Variants in ZNF430 observed in about 807,000 individuals in gnomAD.
ZNF430 encodes zinc finger protein 430.
ZNF430 carries 35 observed loss-of-function variants against 56.7 expected under a neutral mutation model. The observed-to-expected ratio is 0.62, with a 90% CI of 0.47 to 0.82. ZNF430 has a LOEUF of 0.82. ZNF430 is among the 40% of genes least tolerant of loss of function. The pLI is 0.00. For synonymous variants in ZNF430, 212 were observed against 224.3 expected (o/e 0.94, Z 0.49); for missense variants, 574 against 661.0 (o/e 0.87, Z 1.44).
At chr19:21,030,664 T>C (rs1967885199) in intron 2 of ZNF430, among the ~76,000 whole-genome samples, 2 of 152,146 alleles carry the variant, frequency 1.3e-5, no homozygotes. Flanking sequence ...CTCTGTGCTG[T>C]ACCTGCTTCT....
chr19:21,022,796 T>G lies in ZNF430; in HGVS notation c.11T>G (p.Leu4Arg), dbSNP rs1178912621. 6.2e-7 allele frequency: 1 copy of G among 1,611,542 alleles called. No homozygotes were observed. Among genetic ancestry groups the G allele is most frequent in the East Asian group, 2.2e-5 (1 of 44,864 alleles). MEN[L>R]KSGVYPLKEA... ...GGTTATTTTCTCCCATAGGAGAACC[T>G]GAAGTCTGGAGTGTATCCTCTCAAG... Residue 4 changes from leucine to arginine, a missense_variant, in exon 2 of 5, where the codon CTG becomes CGG. Leu to Arg is a moderately radical substitution (Grantham distance 102, BLOSUM62 -2). This residue lies in a region of ZNF430 where 346 missense variants were observed against 399.1 expected (regional missense o/e 0.87). Transcript: ENST00000261560.
intron 4 of ZNF430, among the ~76,000 whole-genome samples, chr19:21,045,375 T>G (rs1429858764): frequency 6.6e-6 from 1 of 152,200 alleles, no homozygotes; most frequent in Non-Finnish European, 1.5e-5. Context: ...TCCATGTACT[T>G]GTGTGGTTTT....
Position 21,033,479 on chromosome 19 carries a change from G to A in ZNF430, c.120G>A (p.Val40=), listed in dbSNP as rs908646815. The change falls in exon 3 of 5, where the codon GTG becomes GTA. Residue 40 remains valine, a synonymous_variant. Coordinates refer to ENST00000261560, the MANE Select transcript of ZNF430 (RefSeq NM_025189.4). ...AGGGGCCATTGACATTTAGGGATGT[G>A]GCCATAGAATTTTCTCTGGAGGAGT... is the stretch of plus-strand genomic sequence containing the variant. ...YEKGPLTFRD[V]AIEFSLEEWQ... 2 of 1,611,252 alleles carry A rather than the reference G, an allele frequency of 1.2e-6. No homozygotes were observed. Among genetic ancestry groups the A allele is most frequent in the Non-Finnish European group, 1.7e-6 (2 of 1,178,642 alleles).
intron 1 of ZNF430, among the ~76,000 whole-genome samples, chr19:21,021,605 A>T (rs528759610): frequency 2.6e-5 from 4 of 152,296 alleles, no homozygotes; most frequent in Admixed American, 1.3e-4. Flanking sequence ...TTTGTTGTTC[A>T]TGGCGGGGCT....
chr19:21,049,250 A>G (rs1241701029), intron 4 of ZNF430, among the ~76,000 whole-genome samples: 2 of 151,178 alleles, frequency 1.3e-5, no homozygotes, highest in Non-Finnish European at 2.9e-5. Flanking sequence ...CAAAACCTAT[A>G]CTGCTATGTT....
chr19:21,030,004 CT>C (rs1043970140), intron 2 of ZNF430, among the ~76,000 whole-genome samples: 1 of 151,896 alleles, frequency 6.6e-6, no homozygotes, highest in Non-Finnish European at 1.5e-5. Context: ...AGTCCTGCTG[CT>C]TTTCTAGAGC....
rs1968404242 is a variant in ZNF430 at position 21,057,641 on chromosome 19, A to G, written c.1333A>G (p.Thr445Ala). ...AGCTTTTAATGAGTCCTCAAACCTT[A>G]CTGCACATAAGATAATTCATACTGG... Reference protein sequence around the residue: ...GKAFNESSNLTAHKIIHTGEK... With the variant: ...GKAFNESSNLAAHKIIHTGEK... Residue 445 changes from threonine (T) to alanine (A), a missense_variant, in exon 5 of 5, where the codon ACT (threonine) becomes GCT (alanine). Coordinates refer to ENST00000261560, the MANE Select transcript of ZNF430 (RefSeq NM_025189.4). 4 of 1,612,170 alleles carry G rather than the reference A, an allele frequency of 2.5e-6. No homozygotes were observed. Among genetic ancestry groups the G allele is most frequent in the Admixed American group, 1.7e-5 (1 of 59,718 alleles).
chr19:21,051,514 G>T (rs886922014), intron 4 of ZNF430, among the ~76,000 whole-genome samples: 7 of 151,936 alleles, frequency 4.6e-5, no homozygotes, highest in Admixed American at 2.6e-4. Flanking sequence ...ACTTTGTTTT[G>T]AGACAGTCTC....
At chr19:21,056,577 C>T (rs1599510790) in intron 4 of ZNF430, 54 bp from the exon 5 acceptor site, 1 of 1,275,886 alleles carries the variant, frequency 7.8e-7, no homozygotes, top group South Asian at 1.7e-5. Context: ...ATTTGTAAAG[C>T]ATATTCATCT....
At chr19:21,051,412 G>T (rs1170083040) in intron 4 of ZNF430, among the ~76,000 whole-genome samples, 2 of 145,824 alleles carry the variant, frequency 1.4e-5, no homozygotes, top group Non-Finnish European at 3.0e-5. Flanking sequence ...GCTTTCAGTA[G>T]CAATGCTGCA....
At position 21,059,543 on chromosome 19, in the gene ZNF430, CAAAAAAAAAA is replaced by C. The variant is rs71174793; in HGVS notation, c.*1532_*1541del. The stretch of plus-strand genomic sequence containing the variant: ...GGGCAACAAGAGTGAAACTCCATTT[CAAAAAAAAAA>C]AAAAAAAAACAACTAAAGTTGGTAG... On this transcript the variant is annotated 3_prime_UTR_variant, in exon 5 of 5. Transcript: ENST00000261560. 9.8e-6 allele frequency: 1 copy of C among 102,284 alleles called. No individual in the cohort carries two copies. Among genetic ancestry groups the C allele is most frequent in the African/African-American group, 3.6e-5 (1 of 27,726 alleles). The allele number at this position is 102,284 out of a possible 1,614,324, so 6.3% of individuals were successfully genotyped here. A position where few individuals can be genotyped will look rare whatever the true frequency, so the allele number is the denominator to read the frequency against.
chr19:21,022,667 C>G, intron 1 of ZNF430, 122 bp from the exon 2 acceptor site: 1 of 756,748 alleles, frequency 1.3e-6, no homozygotes, highest in Non-Finnish European at 2.3e-6. Context: ...CCTCAGTCAC[C>G]CTTCAGTTTT....
intron 4 of ZNF430, among the ~76,000 whole-genome samples, chr19:21,051,157 T>C (rs568768457): frequency 6.6e-6 from 1 of 152,348 alleles, no homozygotes; most frequent in East Asian, 1.9e-4. Flanking sequence ...TTTCTGACTT[T>C]CTGGCACTTT....
intron 4 of ZNF430, among the ~76,000 whole-genome samples, chr19:21,039,821 T>C (rs1169435647): frequency 6.6e-6 from 1 of 152,044 alleles, no homozygotes; most frequent in African/African-American, 2.4e-5. Context: ...ACACACAGTG[T>C]ATGATTTTGG....
chr19:21,049,173 C>CAAAAAAAAAAAA (rs746043747), intron 4 of ZNF430, among the ~76,000 whole-genome samples: 2 of 65,254 alleles, frequency 3.1e-5, no homozygotes, highest in Non-Finnish European at 2.5e-5. Context: ...GACTCCATCT[C>CAAAAAAAAAAAA]AAAAAAAAAA....
intron 4 of ZNF430, among the ~76,000 whole-genome samples, chr19:21,056,389 T>G (rs886495195): frequency 4.6e-5 from 7 of 151,680 alleles, no homozygotes; most frequent in African/African-American, 1.7e-4. Flanking sequence ...CTTTGGAGGC[T>G]GGGGCAGGAG....
Position 21,022,805 on chromosome 19 carries a change from G to A in ZNF430, c.20G>A (p.Gly7Glu). The A allele has an allele frequency of 5.6e-6, 9 of 1,613,114 alleles. No homozygotes were observed. Among genetic ancestry groups the A allele is most frequent in the Non-Finnish European group, 7.6e-6 (9 of 1,179,110 alleles). MENLKS[G>E]VYPLKEASGC... ...CTCCCATAGGAGAACCTGAAGTCTG[G>A]AGTGTATCCTCTCAAGGAAGCAAGT... The change falls in exon 2 of 5, where the codon GGA (glycine) becomes GAA (glutamate). Residue 7 changes from glycine (G) to glutamate (E), a missense_variant. Transcript: ENST00000261560.
chr19:21,047,230 C>T (rs1395272055), intron 4 of ZNF430, among the ~76,000 whole-genome samples: 3 of 152,142 alleles, frequency 2.0e-5, no homozygotes, highest in Non-Finnish European at 4.4e-5. Context: ...GTTAACAGCT[C>T]CTGTAATGTT....
At position 21,057,753 on chromosome 19, in the gene ZNF430, A is replaced by G; in HGVS notation, c.1445A>G (p.Glu482Gly). ...GCACATAAGGTAATTCATTCTGGAGAGAAACCCTACAAATGTGAAGAATGT... is the reference window on the plus strand; with the variant it reads ...GCACATAAGGTAATTCATTCTGGAGGGAAACCCTACAAATGTGAAGAATGT... Reference protein sequence around the residue: ...LTAHKVIHSGEKPYKCEECGK... With the variant: ...LTAHKVIHSGGKPYKCEECGK... Residue 482 changes from glutamate (E) to glycine (G), a missense_variant, in exon 5 of 5, where the codon GAG becomes GGG. Transcript: ENST00000261560. The G allele has an allele frequency of 6.2e-7, 1 of 1,613,828 alleles. No individual in the cohort carries two copies. Among genetic ancestry groups the G allele is most frequent in the Non-Finnish European group, 8.5e-7 (1 of 1,179,958 alleles).
Sources: gnomAD v4.1 joint callset for allele counts (sites outside exome capture counted in the v4.1 genomes callset) on GRCh38, gnomAD v4.1.1 for gene constraint, gnomAD v4.1.1 regional missense constraint, MANE v1.5 for transcripts, NCBI Gene and HGNC (gene_info 2026-07-23, HGNC 2026-07-21) for gene names.